Variants in BCL2 observed in about 807,000 individuals in gnomAD.
BCL2 encodes apoptosis regulator Bcl-2.
In BCL2, 1 loss-of-function variant was observed where a neutral mutation model predicts 14.2. The ratio of observed to expected loss-of-function variants is 0.07; its 90% confidence interval spans 0.02 to 0.33. The LOEUF (loss-of-function observed/expected upper bound fraction) is 0.33, where lower values mean the gene tolerates loss of function less well. Ranked by LOEUF, BCL2 falls within the 10% of genes least tolerant of loss-of-function variation. The pLI is 0.99. For synonymous variants in BCL2, 151 were observed against 137.2 expected, an observed-to-expected ratio of 1.10 and a Z score of -0.70; for missense variants, 247 against 305.9, an observed-to-expected ratio of 0.81 and a Z score of 1.44.
intron 2 of BCL2, among the ~76,000 whole-genome samples, chr18:63,129,276 A>C (rs1290038644): frequency 7.3e-6 from 1 of 136,702 alleles, no homozygotes; most frequent in African/African-American, 2.6e-5. Flanking sequence ...TAGTCTTTGT[A>C]CCAAACTTTT....
In BCL2 at chr18:63,169,056, A is replaced by C. The variant is rs147771972; in HGVS notation, c.586-40297T>G. Among the ~76,000 whole-genome samples the C allele has an allele frequency of 9.5e-4, 144 of 152,358 alleles. 1 individual carries two copies. Among genetic ancestry groups the C allele is most frequent in the African/African-American group, 3.4e-3 (142 of 41,578 alleles). On this transcript the variant is annotated intron_variant, in intron 2 of 2. Coordinates refer to ENST00000333681, the MANE Select transcript of BCL2 (RefSeq NM_000633.3). ...CCCAGCCTCTGGCTGACTCTCCTGA[A>C]GTATCTCCAGCCTTGATTCTGAGAA...
chr18:63,243,981 C>T (rs566179200), intron 2 of BCL2, among the ~76,000 whole-genome samples: 1 of 152,132 alleles, frequency 6.6e-6, no homozygotes, highest in East Asian at 1.9e-4. Context: ...CAGTGGCTCA[C>T]GCCTGTAATC....
intron 2 of BCL2, among the ~76,000 whole-genome samples, chr18:63,272,207 G>A (rs1912021146): frequency 6.6e-5 from 10 of 152,168 alleles, no homozygotes; most frequent in Admixed American, 6.5e-4. Flanking sequence ...GCATATTTCA[G>A]ACAGGATGCC....
intron 2 of BCL2, among the ~76,000 whole-genome samples, chr18:63,166,922 G>T (rs930682291): frequency 6.6e-6 from 1 of 152,090 alleles, no homozygotes; most frequent in Non-Finnish European, 1.5e-5. Context: ...GCTAGGCACT[G>T]GGCTAGATGC....
At chr18:63,174,606 G>A (rs1012887187) in intron 2 of BCL2, among the ~76,000 whole-genome samples, 1 of 152,056 alleles carries the variant, frequency 6.6e-6, no homozygotes, top group African/African-American at 2.4e-5. Context: ...TATCACCTGA[G>A]GTCAGGAGTT....
At chr18:63,275,962 G>A (rs546925713) in intron 2 of BCL2, among the ~76,000 whole-genome samples, 2 of 152,344 alleles carry the variant, frequency 1.3e-5, no homozygotes, top group Admixed American at 6.5e-5. Flanking sequence ...GTGTATGGTG[G>A]GAAGGGAGTG....
chr18:63,133,783 T>C (rs1914135819), intron 2 of BCL2, among the ~76,000 whole-genome samples: 1 of 152,198 alleles, frequency 6.6e-6, no homozygotes, highest in African/African-American at 2.4e-5. Flanking sequence ...TGGTAATGCA[T>C]ATCAAAAGGC....
intron 2 of BCL2, among the ~76,000 whole-genome samples, chr18:63,193,608 G>T (rs1909352577): frequency 6.8e-6 from 1 of 146,994 alleles, no homozygotes. Context: ...GTGTGTGTGT[G>T]TGTATACACA....
At position 63,124,324 on chromosome 18, in the gene BCL2, C is replaced by T. The variant is rs4987865; in HGVS notation, c.*4301G>A. ...AAATATCCTGTTAGTTAAAACTGCACATTTATTGTTTAAATACCCATTAGA... is the reference window on the plus strand; with the variant it reads ...AAATATCCTGTTAGTTAAAACTGCATATTTATTGTTTAAATACCCATTAGA... On this transcript the variant is annotated 3_prime_UTR_variant, in exon 3 of 3. Transcript: ENST00000333681. 0.013 allele frequency: 3,014 copies of T among 229,578 alleles called. 70 individuals carry two copies. The highest frequency in any genetic ancestry group is 0.057 in the African/African-American group (2,563 of 45,192). The allele number at this position is 229,578 out of a possible 1,614,324, so 14.2% of individuals were successfully genotyped here.
intron 2 of BCL2, among the ~76,000 whole-genome samples, chr18:63,200,549 C>T (rs1030834430): frequency 1.3e-5 from 2 of 152,176 alleles, no homozygotes; most frequent in Non-Finnish European, 2.9e-5. Context: ...TACACTCCCG[C>T]GTATAAGACA....
intron 2 of BCL2, among the ~76,000 whole-genome samples, chr18:63,211,633 T>C (rs1421884512): frequency 1.3e-5 from 2 of 152,262 alleles, no homozygotes; most frequent in East Asian, 1.9e-4. Flanking sequence ...GGCTTCGATT[T>C]AGTCCTTCAG....
intron 2 of BCL2, among the ~76,000 whole-genome samples, chr18:63,206,290 T>A (rs1909835208): frequency 6.6e-6 from 1 of 152,170 alleles, no homozygotes; most frequent in Non-Finnish European, 1.5e-5. Context: ...TACCCAAGCG[T>A]TAGATAATTA....
At chr18:63,140,058 C>T (rs1187142342) in intron 2 of BCL2, among the ~76,000 whole-genome samples, 3 of 152,210 alleles carry the variant, frequency 2.0e-5, no homozygotes, top group South Asian at 2.1e-4. Flanking sequence ...AGATGCTTCA[C>T]TATCATTAGT....
chr18:63,232,338 A>G (rs545704226), intron 2 of BCL2, among the ~76,000 whole-genome samples: 1 of 152,304 alleles, frequency 6.6e-6, no homozygotes, highest in South Asian at 2.1e-4. Flanking sequence ...GTGATGAAGG[A>G]TGCCAAAAAA....
At chr18:63,231,000 A>G (rs1458866684) in intron 2 of BCL2, among the ~76,000 whole-genome samples, 2 of 145,576 alleles carry the variant, frequency 1.4e-5, no homozygotes, top group Admixed American at 7.9e-5. Context: ...CTATCAAAAT[A>G]TCATGTTTAT....
At position 63,292,493 on chromosome 18, in the gene BCL2, G is replaced by A. The variant is rs554708180; in HGVS notation, c.585+25589C>T. 5.3e-5 allele frequency among the ~76,000 whole-genome samples: 8 copies of A among 152,190 alleles called. 1 individual carries two copies. The highest frequency in any genetic ancestry group is 6.8e-3 in the Middle Eastern group (2 of 294). On this transcript the variant is annotated intron_variant, in intron 2 of 2. Coordinates refer to ENST00000333681, the MANE Select transcript of BCL2 (RefSeq NM_000633.3). The stretch of plus-strand genomic sequence containing the variant: ...ATTGTGGTTCCAGACTTTATACAGC[G>A]CACTCACACGTACCATGCTAGCTGG...
chr18:63,188,624 A>G (rs1191334510), intron 2 of BCL2, among the ~76,000 whole-genome samples: 1 of 152,188 alleles, frequency 6.6e-6, no homozygotes, highest in Non-Finnish European at 1.5e-5. Flanking sequence ...CTTTTGAATA[A>G]TTTAATTATA....
At chr18:63,315,706 T>C (rs1241261906) in intron 2 of BCL2, 1 of 152,194 alleles carries the variant, frequency 6.6e-6, no homozygotes, top group Non-Finnish European at 1.5e-5. Flanking sequence ...GTAACCCCAA[T>C]TGGTGTAAAT....
rs1913903266 is a variant in BCL2, at chr18:63,126,095, C to A, written c.*2530G>T. 1 of 216,170 alleles carries A rather than the reference C, an allele frequency of 4.6e-6. No homozygotes were observed. The highest frequency in any genetic ancestry group is 2.3e-5 in the African/African-American group (1 of 44,298). 13.4% of individuals were successfully genotyped at this position (216,170 alleles called of 1,614,324 possible). A position where few individuals can be genotyped will look rare whatever the true frequency, so the allele number is the denominator to read the frequency against. On this transcript the variant is annotated 3_prime_UTR_variant, in exon 3 of 3. Transcript: ENST00000333681. ...TAAAATGATTTTGGCAGGATAGCAGCACAGGATTGGATATTCCATATTCAT... is the reference window on the plus strand; with the variant it reads ...TAAAATGATTTTGGCAGGATAGCAGAACAGGATTGGATATTCCATATTCAT...
Sources: allele counts gnomAD v4.1 joint callset (sites outside exome capture counted in the v4.1 genomes callset), GRCh38; gene constraint gnomAD v4.1.1; transcripts MANE v1.5; gene names NCBI Gene and HGNC (gene_info 2026-07-23, HGNC 2026-07-21).